SEC16A: variants seen among roughly 807,000 people sequenced by gnomAD.
The protein encoded by SEC16A is SEC16 homolog A, endoplasmic reticulum export factor.
SEC16A carries 110 observed loss-of-function variants against 221.9 expected under a neutral mutation model. That is an observed-to-expected ratio of 0.50 (90% confidence interval 0.42 to 0.58). The LOEUF (loss-of-function observed/expected upper bound fraction) is 0.58. Among genes scored for constraint, SEC16A ranks in the 20% least tolerant of loss-of-function variants. SEC16A has a pLI of 0.00. For synonymous variants in SEC16A, 1,393 were observed against 1,257.7 expected, an observed-to-expected ratio of 1.11 and a Z score of -2.28; for missense variants, 3,165 against 3,097.8, an observed-to-expected ratio of 1.02 and a Z score of -0.52.
At position 136,454,409 on chromosome 9, in the gene SEC16A, T is replaced by G. The variant is rs1483957128; in HGVS notation, c.5858-82A>C. 7.1e-6 allele frequency: 9 copies of G among 1,268,370 alleles called. No individual in the cohort carries two copies. The Admixed American group carries it at 1.4e-4, about 19-fold the overall frequency. 78.6% of individuals were successfully genotyped at this position (1,268,370 alleles called of 1,614,324 possible). ...GGAAGGAGCTGACACTCGACGTGTT[T>G]ATGACAAGTTATTTTGTACAGCCCC... On this transcript the variant is annotated intron_variant, in intron 20 of 31. Transcript: ENST00000684901.
chr9:136,472,927 G>T (rs983234670), intron 3 of SEC16A, among the ~76,000 whole-genome samples: 3 of 152,250 alleles, frequency 2.0e-5, no homozygotes, highest in African/African-American at 7.2e-5. Flanking sequence ...ACCGGACAAA[G>T]GACCCGAAGT....
At chr9:136,454,416 A>G (rs1799589889) in intron 20 of SEC16A, 89 bp from the exon 21 acceptor site, 3 of 1,237,724 alleles carry the variant, frequency 2.4e-6, no homozygotes, top group Non-Finnish European at 3.5e-6. Context: ...GTTTATGACA[A>G]GTTATTTTGT....
At position 136,475,426 on chromosome 9, in the gene SEC16A, C is replaced by T; in HGVS notation, c.2190G>A (p.Glu730=). Residue 730 remains glutamate, a synonymous_variant, in exon 3 of 32, where the codon GAG becomes GAA. Transcript: ENST00000684901. This position sits in a 1 kb window ranked among gnomAD's most constrained non-coding sequence, Gnocchi z 5.0. ...SPATTLWAQS[E]LPDFGGNVLL... is the part of the protein sequence containing the mutation. ...GGACGTTGCCTCCAAAATCTGGCAG[C>T]TCACTTTGCGCCCACAGAGTCGTTG... 6.2e-7 allele frequency: 1 copy of T among 1,610,778 alleles called. No homozygotes were observed. The highest frequency in any genetic ancestry group is 1.1e-5 in the South Asian group (1 of 90,858).
At chr9:136,445,743 A>G in intron 28 of SEC16A, 24 bp from the exon 29 acceptor site, 1 of 1,547,132 alleles carries the variant, frequency 6.5e-7, no homozygotes, top group Non-Finnish European at 8.7e-7. Context: ...GAAGAATTGC[A>G]GCAACCAAAT....
intron 2 of SEC16A, among the ~76,000 whole-genome samples, 197 bp downstream of exon 2, chr9:136,478,512 T>A (rs959528082): frequency 2.6e-5 from 4 of 152,158 alleles, no homozygotes; most frequent in Non-Finnish European, 4.4e-5. Context: ...TTTTCTTTGA[T>A]GAAAGAGCAT....
chr9:136,482,914 C>A lies in SEC16A; in HGVS notation c.-192+24G>T, dbSNP rs562780839. Reference sequence around the variant, plus strand: ...CGCCTTCCTCCTCCCGCGCTCGCCCCCTCACCCGCGCTCGCCCCCTCACCC... The same window carrying A: ...CGCCTTCCTCCTCCCGCGCTCGCCCACTCACCCGCGCTCGCCCCCTCACCC... On this transcript the variant is annotated intron_variant, in intron 1 of 31. Transcript: ENST00000684901. 4.5e-5 allele frequency: 42 copies of A among 943,396 alleles called. No homozygotes were observed. The African/African-American group carries it at 7.4e-4, about 17-fold the overall frequency. 58.4% of individuals were successfully genotyped at this position (943,396 alleles called of 1,614,324 possible).
At chr9:136,467,198 A>C in intron 5 of SEC16A, 115 bp from the exon 6 acceptor site, 1 of 1,215,494 alleles carries the variant, frequency 8.2e-7, no homozygotes, top group Non-Finnish European at 1.2e-6. Flanking sequence ...CTCCTCGAGA[A>C]ACCCAGCTTC....
Position 136,477,307 on chromosome 9 carries a change from A to G in SEC16A, c.309T>C (p.Ser103=). ...LVPHTHARDS[S]QGPCEPLPGP... ...CAGGCAGGGGCTCACAGGGTCCCTG[A>G]GAGCTATCTCTGGCATGTGTGTGAG... Residue 103 remains serine, a synonymous_variant, in exon 3 of 32, where the codon TCT becomes TCC. Transcript: ENST00000684901. The G allele has an allele frequency of 1.9e-6, 3 of 1,613,750 alleles. No homozygotes were observed. The highest frequency in any genetic ancestry group is 2.5e-6 in the Non-Finnish European group (3 of 1,179,748).
intron 3 of SEC16A, 65 bp from the exon 4 acceptor site, chr9:136,472,176 C>T (rs750145095): frequency 1.9e-6 from 3 of 1,594,100 alleles, no homozygotes; most frequent in South Asian, 1.1e-5. Context: ...CAACAGCCAG[C>T]CTGAGCTGGA....
At chr9:136,479,284 T>C (rs547908743) in intron 1 of SEC16A, among the ~76,000 whole-genome samples, 7 of 152,324 alleles carry the variant, frequency 4.6e-5, no homozygotes, top group African/African-American at 1.7e-4. Context: ...ACCACCCTCA[T>C]GAACAAACAG....
chr9:136,482,905 C>T, intron 1 of SEC16A, 33 bp downstream of exon 1: 1 of 891,760 alleles, frequency 1.1e-6, no homozygotes, highest in Non-Finnish European at 1.3e-6. Context: ...CCTCCTCCCG[C>T]GCTCGCCCCC....
In SEC16A at chr9:136,441,492, TAAGA is replaced by T. The variant is rs1375129690; in HGVS notation, c.*259_*262del. The T allele has an allele frequency of 1.9e-6, 1 of 538,688 alleles. No homozygotes were observed. The highest frequency in any genetic ancestry group is 3.4e-6 in the Non-Finnish European group (1 of 297,190). The allele number at this position is 538,688 out of a possible 1,614,324, so 33.4% of individuals were successfully genotyped here. A position where few individuals can be genotyped will look rare whatever the true frequency, so the allele number is the denominator to read the frequency against. ...ATATCCTTAAATCATCCTAAATGACTAAGAAAGTCACATCATTCTTTTCGGCAAA... is the reference window on the plus strand; with the variant it reads ...ATATCCTTAAATCATCCTAAATGACTAAGTCACATCATTCTTTTCGGCAAA... On this transcript the variant is annotated 3_prime_UTR_variant, in exon 32 of 32. Transcript: ENST00000684901.
rs565228991 is a variant in SEC16A, at chr9:136,471,592, T to G, written c.3704+383A>C. On this transcript the variant is annotated intron_variant, in intron 4 of 31. Transcript: ENST00000684901. ...GTCCTCCCAGGCCTCCGGAGACCGG[T>G]GAAAAGCTGCCGTGTCTCTGGGGAG... Among the ~76,000 whole-genome samples, 129 of 152,238 alleles carry G rather than the reference T, an allele frequency of 8.5e-4. 1 individual carries two copies. Among genetic ancestry groups the G allele is most frequent in the Non-Finnish European group, 1.7e-3 (114 of 68,002 alleles).
chr9:136,447,017 T>G lies in SEC16A; in HGVS notation c.6698-68A>C. The G allele has an allele frequency of 6.2e-7, 1 of 1,606,538 alleles. No homozygotes were observed. The highest frequency in any genetic ancestry group is 8.5e-7 in the Non-Finnish European group (1 of 1,177,454). On this transcript the variant is annotated intron_variant, in intron 27 of 31. Transcript: ENST00000684901. The surrounding 1 kb of genome is among the most constrained non-coding windows in gnomAD (Gnocchi z 5.5). ...GTCCCTGGGGTCTCACTGAAGACACTCCGAGAGGAAGAGAGTTTCACACTG... is the reference window on the plus strand; with the variant it reads ...GTCCCTGGGGTCTCACTGAAGACACGCCGAGAGGAAGAGAGTTTCACACTG...
At chr9:136,441,960 T>C in intron 31 of SEC16A, 137 bp from the exon 32 acceptor site, 5 of 744,530 alleles carry the variant, frequency 6.7e-6, no homozygotes, top group Non-Finnish European at 1.1e-5. Context: ...GCTTCGTTTT[T>C]GTTTCCAAAA....
At chr9:136,471,387 T>C (rs1351288691) in intron 4 of SEC16A, among the ~76,000 whole-genome samples, 3 of 152,042 alleles carry the variant, frequency 2.0e-5, no homozygotes, top group Non-Finnish European at 2.9e-5. Flanking sequence ...AGTGGGAAGA[T>C]TGCTTGGGCT....
At position 136,475,670 on chromosome 9, in the gene SEC16A, G is replaced by A. The variant is rs1187276474; in HGVS notation, c.1946C>T (p.Ala649Val). 3 of 1,613,718 alleles carry A rather than the reference G, an allele frequency of 1.9e-6. No individual in the cohort carries two copies. In the African/African-American group the frequency reaches 4.0e-5, roughly 21 times the overall value. Residue 649 changes from alanine to valine, a missense_variant, in exon 3 of 32, where the codon GCC becomes GTC. By Grantham distance (64) the Ala-to-Val change is moderately conservative (BLOSUM62 0). This residue lies in a region of SEC16A where 2,030 missense variants were observed against 1,923.1 expected (regional missense o/e 1.06). Coordinates refer to ENST00000684901, the MANE Select transcript of SEC16A (RefSeq NM_014866.2). The surrounding 1 kb of genome is among the most constrained non-coding windows in gnomAD (Gnocchi z 5.0). ...GCCAGGGGAAGCATCGGGCAGGGCG[G>A]CAGCTGGTCTGCACTGCTTCTGGCG... The part of the protein sequence containing the change: ...CVRQKQCRPA[A>V]ALPDASPGNL...
rs1442727845 is a variant in SEC16A at position 136,467,037 on chromosome 9, G to T, written c.3849C>A (p.Asp1283Glu). The T allele has an allele frequency of 3.1e-6, 5 of 1,613,802 alleles. No homozygotes were observed. The highest frequency in any genetic ancestry group is 1.3e-5 in the African/African-American group (1 of 74,914). The change falls in exon 6 of 32, where the codon GAC becomes GAA. Residue 1283 changes from aspartate to glutamate, a missense_variant. This residue lies in a region of SEC16A where 2,030 missense variants were observed against 1,923.1 expected (regional missense o/e 1.06). Transcript: ENST00000684901. ...AATACCTCCGGTCATAGGTGCGGGG[G>T]TCCCTGACTCTAGCACTGTAGTGGT... is the stretch of plus-strand genomic sequence containing the variant. ...DRYHYSARVRDPRTYDRRYWC... is the reference protein window; with the variant it reads ...DRYHYSARVREPRTYDRRYWC...
chr9:136,466,871 T>A lies in SEC16A; in HGVS notation c.3929+86A>T, dbSNP rs1378334089. 10 of 1,470,936 alleles carry A rather than the reference T, an allele frequency of 6.8e-6. No homozygotes were observed. Among genetic ancestry groups the A allele is most frequent in the Non-Finnish European group, 9.1e-6 (10 of 1,100,388 alleles). The allele number at this position is 1,470,936 out of a possible 1,614,324, so 91.1% of individuals were successfully genotyped here. A position where few individuals can be genotyped will look rare whatever the true frequency, so the allele number is the denominator to read the frequency against. On this transcript the variant is annotated intron_variant, in intron 6 of 31. Coordinates refer to ENST00000684901, the MANE Select transcript of SEC16A (RefSeq NM_014866.2). The surrounding 1 kb of genome is among the most constrained non-coding windows in gnomAD (Gnocchi z 5.5). The stretch of plus-strand genomic sequence containing the variant: ...GCTCACCCAAACTACCACAGCTCTT[T>A]GTTAAAACCCAGACATGAGGGCAGA...
Sources: allele counts gnomAD v4.1 joint callset (sites outside exome capture counted in the v4.1 genomes callset), GRCh38; gene constraint gnomAD v4.1.1; regional missense constraint gnomAD v4.1.1; non-coding constraint Gnocchi (gnomAD v3.1); transcripts MANE v1.5; gene names NCBI Gene and HGNC (gene_info 2026-07-23, HGNC 2026-07-21).